Variants in KDM4B observed in about 807,000 individuals in gnomAD.
KDM4B encodes the protein lysine-specific demethylase 4B.
Under a neutral mutation model 125.2 loss-of-function variants are expected in KDM4B, and 32 were observed. The observed-to-expected ratio is 0.26, with a 90% confidence interval of 0.19 to 0.34. The LOEUF (loss-of-function observed/expected upper bound fraction) is 0.34, where lower values mean the gene tolerates loss of function less well. Ranked by LOEUF, KDM4B falls within the 10% of genes least tolerant of loss-of-function variation. KDM4B has a pLI of 1.00. For synonymous variants in KDM4B, 721 were observed against 677.9 expected, an observed-to-expected ratio of 1.06 and a Z score of -0.99; for missense variants, 1,190 against 1,577.7, an observed-to-expected ratio of 0.75 and a Z score of 4.16.
intron 6 of KDM4B, among the ~76,000 whole-genome samples, chr19:5,050,832 G>A (rs1055002261): frequency 1.1e-4 from 16 of 152,300 alleles, no homozygotes; most frequent in Non-Finnish European, 7.4e-5. Flanking sequence ...CCCAGGAGGC[G>A]GAGCTTGCAG....
chr19:5,105,472 G>C (rs548644117), intron 9 of KDM4B, among the ~76,000 whole-genome samples: 1 of 152,200 alleles, frequency 6.6e-6, no homozygotes, highest in Non-Finnish European at 1.5e-5. Flanking sequence ...TCAGTCTGTC[G>C]CCCGGGCTGG....
intron 22 of KDM4B, among the ~76,000 whole-genome samples, chr19:5,150,971 T>C (rs1191760361): frequency 6.6e-6 from 1 of 152,208 alleles, no homozygotes; most frequent in Non-Finnish European, 1.5e-5. Context: ...ATTCTCTTTC[T>C]AATCGAGAGG....
At chr19:5,123,179 C>T (rs1433699112) in intron 11 of KDM4B, among the ~76,000 whole-genome samples, 2 of 152,260 alleles carry the variant, frequency 1.3e-5, no homozygotes, top group Non-Finnish European at 1.5e-5. Flanking sequence ...CTGTGGCTCT[C>T]GGACACGACC....
At chr19:5,097,153 C>T (rs1037709643) in intron 9 of KDM4B, among the ~76,000 whole-genome samples, 5 of 152,282 alleles carry the variant, frequency 3.3e-5, no homozygotes, top group African/African-American at 1.2e-4. Context: ...CCAAAGCCAC[C>T]AAGATGTCAA....
chr19:5,050,297 G>A (rs1282525623), intron 6 of KDM4B, among the ~76,000 whole-genome samples: 1 of 152,244 alleles, frequency 6.6e-6, no homozygotes, highest in Non-Finnish European at 1.5e-5. Context: ...CAAAAGGCTG[G>A]CTTCTGTGGT....
At chr19:5,063,337 G>C (rs772592406) in intron 6 of KDM4B, among the ~76,000 whole-genome samples, 2 of 152,126 alleles carry the variant, frequency 1.3e-5, no homozygotes, top group Non-Finnish European at 2.9e-5. Flanking sequence ...GTTGGTGCTG[G>C]GGTTTCCCAT....
intron 15 of KDM4B, 82 bp downstream of exon 15, chr19:5,135,643 C>G: frequency 1.6e-6 from 2 of 1,224,482 alleles, no homozygotes; most frequent in Non-Finnish European, 2.3e-6. Context: ...TCCATCCTCC[C>G]CTGCGGAGGG....
At chr19:5,089,605 C>G (rs2038622565) in intron 9 of KDM4B, among the ~76,000 whole-genome samples, 1 of 151,778 alleles carries the variant, frequency 6.6e-6, no homozygotes, top group Non-Finnish European at 1.5e-5. Flanking sequence ...GGAGATTTGC[C>G]CAAGTATTGG....
intron 1 of KDM4B, among the ~76,000 whole-genome samples, chr19:5,005,464 G>T (rs2035527585): frequency 6.6e-6 from 1 of 152,106 alleles, no homozygotes; most frequent in Non-Finnish European, 1.5e-5. Context: ...GGACCTCATT[G>T]AGCTTCCTGA....
rs2035232992 is a variant in KDM4B at position 4,997,319 on chromosome 19, G to T, written c.-108-18938G>T. 6.6e-6 allele frequency among the ~76,000 whole-genome samples: 1 copy of T among 152,052 alleles called. No individual in the cohort carries two copies. Among genetic ancestry groups the T allele is most frequent in the African/African-American group, 2.4e-5 (1 of 41,382 alleles). On this transcript the variant is annotated intron_variant, in intron 1 of 22. Coordinates refer to ENST00000159111, the MANE Select transcript of KDM4B (RefSeq NM_015015.3). This position sits in a 1 kb window ranked among gnomAD's most constrained non-coding sequence, Gnocchi z 4.2. Reference sequence around the variant, plus strand: ...ATGTGTCCTTCCCTTTAGGGCTTCCGAGTTTGTGTCCCACTTAGAGAGGTT... The same window carrying T: ...ATGTGTCCTTCCCTTTAGGGCTTCCTAGTTTGTGTCCCACTTAGAGAGGTT...
rs558221472 is a variant in KDM4B at position 5,081,786 on chromosome 19, C to A, written c.781-581C>A. ...GATGGCGGCGTGTCGCAGGCCCCTTCCTGGCGTGTTTTGCGCGTGCAGTGG... is the reference window on the plus strand; with the variant it reads ...GATGGCGGCGTGTCGCAGGCCCCTTACTGGCGTGTTTTGCGCGTGCAGTGG... On this transcript the variant is annotated intron_variant, in intron 8 of 22. Coordinates refer to ENST00000159111, the MANE Select transcript of KDM4B (RefSeq NM_015015.3). This position sits in a 1 kb window ranked among gnomAD's most constrained non-coding sequence, Gnocchi z 4.2. Among the ~76,000 whole-genome samples, 1 of 152,300 alleles carries A rather than the reference C, an allele frequency of 6.6e-6. No homozygotes were observed. The highest frequency in any genetic ancestry group is 1.9e-4 in the East Asian group (1 of 5,176).
intron 7 of KDM4B, chr19:5,075,686 T>G (rs1274705298): frequency 6.6e-6 from 1 of 152,250 alleles, no homozygotes; most frequent in African/African-American, 2.4e-5. Context: ...TTAAGTCAGC[T>G]GCAGAGCGCA....
chr19:4,982,033 G>A (rs1328369315), intron 1 of KDM4B, among the ~76,000 whole-genome samples: 1 of 152,222 alleles, frequency 6.6e-6, no homozygotes, highest in East Asian at 1.9e-4. Flanking sequence ...GCTCATGCCT[G>A]TCATCCCAGC....
At chr19:5,053,291 C>T (rs1192886937) in intron 6 of KDM4B, among the ~76,000 whole-genome samples, 1 of 152,238 alleles carries the variant, frequency 6.6e-6, no homozygotes, top group Non-Finnish European at 1.5e-5. Flanking sequence ...GGAGGTCAGA[C>T]TGAGAAGACC....
chr19:4,987,062 G>A lies in KDM4B; in HGVS notation c.-109+17832G>A, dbSNP rs185709517. 3.4e-3 allele frequency among the ~76,000 whole-genome samples: 516 copies of A among 151,960 alleles called. 3 individuals carry two copies. The highest frequency in any genetic ancestry group is 2.6e-3 in the Non-Finnish European group (180 of 67,966). On this transcript the variant is annotated intron_variant, in intron 1 of 22. Coordinates refer to ENST00000159111, the MANE Select transcript of KDM4B (RefSeq NM_015015.3). ...CAACCTCTGCCTACTGGGTTCAAGC[G>A]ATTCTCCTGCCTCAGCCTCCTGAGT...
chr19:4,969,592 C>T (rs1420128123), intron 1 of KDM4B, among the ~76,000 whole-genome samples: 1 of 151,854 alleles, frequency 6.6e-6, no homozygotes, highest in East Asian at 1.9e-4. Flanking sequence ...CGGCCGGGCC[C>T]TTTTATCACC....
intron 18 of KDM4B, 49 bp downstream of exon 18, chr19:5,138,119 C>G: frequency 7.3e-7 from 1 of 1,371,348 alleles, no homozygotes; most frequent in Non-Finnish European, 1.0e-6. Flanking sequence ...CTAGGGCTGC[C>G]GGCCATGCTC....
chr19:5,004,299 T>C (rs139082997), intron 1 of KDM4B, among the ~76,000 whole-genome samples: 33 of 152,254 alleles, frequency 2.2e-4, no homozygotes, highest in Non-Finnish European at 4.1e-4. Context: ...ATTCGTGTGC[T>C]CGGCTCCCAG....
intron 3 of KDM4B, among the ~76,000 whole-genome samples, chr19:5,034,309 C>T (rs1407703900): frequency 1.3e-5 from 2 of 152,202 alleles, no homozygotes; most frequent in Admixed American, 6.5e-5. Context: ...TGCTGTTTGA[C>T]TATCGCTGTT....
Sources: allele counts gnomAD v4.1 joint callset (sites outside exome capture counted in the v4.1 genomes callset), GRCh38; gene constraint gnomAD v4.1.1; non-coding constraint Gnocchi (gnomAD v3.1); transcripts MANE v1.5; gene names NCBI Gene and HGNC (gene_info 2026-07-23, HGNC 2026-07-21).